FLNA: variants seen among roughly 807,000 people sequenced by gnomAD.
FLNA encodes the protein filamin A.
In FLNA, 7 loss-of-function variants were observed where a neutral mutation model predicts 157.6. The observed-to-expected ratio is 0.04, with a 90% CI of 0.03 to 0.08. The LOEUF (loss-of-function observed/expected upper bound fraction) is 0.08. Among genes scored for constraint, FLNA ranks in the 10% least tolerant of loss-of-function variants. The pLI is 1.00. For synonymous variants in FLNA, 1,103 were observed against 1,060.8 expected (o/e 1.04, Z -0.77); for missense variants, 1,750 against 2,398.4 (o/e 0.73, Z 5.65).
At chrX:154,372,552 A>G (rs1461293044) in intron 1 of FLNA, among the ~76,000 whole-genome samples, 1 of 110,478 alleles carries the variant, frequency 9.1e-6, no homozygotes, top group East Asian at 2.9e-4. Context: ...AACTCTGGAG[A>G]TGGTGCAGTG....
At chrX:154,349,911 C>T in intron 45 of FLNA, 44 bp from the exon 46 acceptor site, 1 of 1,190,759 alleles carries the variant, frequency 8.4e-7, no homozygotes, top group Non-Finnish European at 1.1e-6. Context: ...GGCCTGCCTC[C>T]CTGTCCTCGG....
At position 154,354,915 on chromosome X, in the gene FLNA, G is replaced by T. The variant is rs1557176627; in HGVS notation, c.5127C>A (p.Asp1709Glu). 2 of 1,211,156 alleles carry T rather than the reference G, an allele frequency of 1.7e-6. No individual in the cohort carries two copies. The highest frequency in any genetic ancestry group is 2.2e-6 in the Non-Finnish European group (2 of 895,414). The change falls in exon 31 of 48, where the codon GAC becomes GAA. Residue 1709 changes from aspartate to glutamate, a missense_variant. Coordinates refer to ENST00000369850, the MANE Select transcript of FLNA (RefSeq NM_001110556.2). ...DVVENEDGTF[D>E]IFYTAPQPGK... ...CCGGCTGGGGGGCCGTGTAGAAGAT[G>T]TCGAAAGTGCCGTCCTCATTCTCCA...
intron 11 of FLNA, 32 bp from the exon 12 acceptor site, chrX:154,364,989 G>A (rs782253149): frequency 1.3e-5 from 16 of 1,210,660 alleles, no homozygotes; most frequent in South Asian, 5.3e-5. Flanking sequence ...AGGGAACACC[G>A]AGGATCACCA....
chrX:154,359,007 T>C lies in FLNA; in HGVS notation c.4451A>G (p.Gln1484Arg), dbSNP rs200130356. 1.4e-3 allele frequency: 1,673 copies of C among 1,209,895 alleles called. No homozygotes were observed. The highest frequency in any genetic ancestry group is 1.7e-3 in the Non-Finnish European group (1,489 of 895,133). Residue 1484 changes from glutamine to arginine, a missense_variant, in exon 26 of 48, where the codon CAG becomes CGG. Gln to Arg is a conservative substitution (Grantham distance 43, BLOSUM62 1). Around this residue, in one of 5 missense-constraint regions of FLNA, gnomAD observed 970 missense variants for 1,302.6 expected, o/e 0.74. Transcript: ENST00000369850. The part of the protein sequence containing the change: ...DTSKAGVAPL[Q>R]VKVQGPKGLV... Reference sequence around the variant, plus strand: ...ACCTTTGGGCCCTTGCACTTTGACCTGCAATGGGGCCACACCAGCCTTGCT... The same window carrying C: ...ACCTTTGGGCCCTTGCACTTTGACCCGCAATGGGGCCACACCAGCCTTGCT...
At chrX:154,355,492 C>T (rs868947138) in intron 30 of FLNA, among the ~76,000 whole-genome samples, 4 of 113,380 alleles carry the variant, frequency 3.5e-5, no homozygotes, top group African/African-American at 6.4e-5. Context: ...TGTGTGGACG[C>T]GGTGAGGCGG....
At position 154,357,470 on chromosome X, in the gene FLNA, C is replaced by T. The variant is rs1333867692; in HGVS notation, c.4909G>A (p.Val1637Met). The T allele has an allele frequency of 5.0e-6, 6 of 1,209,323 alleles. No homozygotes were observed. Among genetic ancestry groups the T allele is most frequent in the Admixed American group, 4.3e-5 (2 of 45,998 alleles). ...IPFSPYRVRA[V>M]PTGDASKCTV... Reference sequence around the variant, plus strand: ...CACTTGCTGGCGTCCCCGGTGGGCACGGCACGCACGCGGTACGGGGAGAAG... The same window carrying T: ...CACTTGCTGGCGTCCCCGGTGGGCATGGCACGCACGCGGTACGGGGAGAAG... Residue 1637 changes from valine to methionine, a missense_variant, in exon 29 of 48, where the codon GTG becomes ATG. Physicochemically the swap from Val to Met is conservative, Grantham distance 21 (BLOSUM62 1). Transcript: ENST00000369850.
chrX:154,366,122 C>T lies in FLNA; in HGVS notation c.1331G>A (p.Cys444Tyr). Residue 444 changes from cysteine to tyrosine, a missense_variant, in exon 9 of 48, where the codon TGC (cysteine) becomes TAC (tyrosine). Physicochemically the swap from Cys to Tyr is radical, Grantham distance 194. This residue lies in a region of FLNA where 648 missense variants were observed against 805.8 expected (regional missense o/e 0.80). Transcript: ENST00000369850. ...GCCCTCCATGGTGGGCTGGTAGCTG[C>T]AGCGGTATGTGCTGTCGCCCCGGGC... ...LEARGDSTYR[C>Y]SYQPTMEGVH... 1 of 1,210,506 alleles carries T rather than the reference C, an allele frequency of 8.3e-7. No homozygotes were observed. Among genetic ancestry groups the T allele is most frequent in the Non-Finnish European group, 1.1e-6 (1 of 895,183 alleles).
chrX:154,354,084 G>C, intron 34 of FLNA, 41 bp from the exon 35 acceptor site: 1 of 1,211,908 alleles, frequency 8.3e-7, no homozygotes, highest in Non-Finnish European at 1.1e-6. Context: ...GCAGCCTCGT[G>C]TGTCCCCCAG....
intron 21 of FLNA, among the ~76,000 whole-genome samples, chrX:154,361,058 AAAAAAAAAAAAAAAAAAAAAAGAAAG>A (rs1569551704): frequency 1.3e-4 from 11 of 84,078 alleles, no homozygotes; most frequent in Non-Finnish European, 2.0e-4. Flanking sequence ...AAAAAAAAAA[AAAAAAAAAAAAAAAAAAAAAAGAAAG>A]AAAAAAAAAA....
At chrX:154,356,574 C>T (rs1353348589) in intron 30 of FLNA, among the ~76,000 whole-genome samples, 3 of 112,828 alleles carry the variant, frequency 2.7e-5, no homozygotes, top group African/African-American at 9.7e-5. Flanking sequence ...CATCAGCATC[C>T]CTGGGTGTCC....
chrX:154,367,286 A>T, intron 5 of FLNA, 111 bp downstream of exon 5: 1 of 863,340 alleles, frequency 1.2e-6, no homozygotes, highest in Non-Finnish European at 1.6e-6. Flanking sequence ...TGGCTTGATC[A>T]CCTAGCCGCC....
In FLNA at chrX:154,362,686, A is replaced by G. The variant is rs782102782; in HGVS notation, c.2379T>C (p.Thr793=). The G allele has an allele frequency of 6.6e-6, 8 of 1,209,018 alleles. No homozygotes were observed. Among genetic ancestry groups the G allele is most frequent in the Non-Finnish European group, 7.8e-6 (7 of 894,893 alleles). Residue 793 remains threonine (T), a synonymous_variant, in exon 16 of 48, where the codon ACT becomes ACC. Transcript: ENST00000369850. ...CCTGGCCAGCCTCGGCGCAGTCCAC[A>G]GTGAAGTAGGTGGGCTCGTGGGCCT... The part of the protein sequence containing the change: ...GLKAHEPTYF[T]VDCAEAGQGD...
intron 5 of FLNA, among the ~76,000 whole-genome samples, 173 bp from the exon 6 acceptor site, chrX:154,367,023 C>G (rs1569551853): frequency 8.9e-6 from 1 of 112,327 alleles, no homozygotes; most frequent in Non-Finnish European, 1.9e-5. Flanking sequence ...TGTGCTCTCG[C>G]TGCTGGGACA....
rs1557178162 is a variant in FLNA at position 154,362,129 on chromosome X, G to A, written c.2676C>T (p.Pro892=). ...LSRTGVELGK[P]THFTVNAKAA... ...CTTTGGCATTTACTGTGAAGTGGGT[G>A]GGCTTGCCAAGCTCGACACCTGAGG... Residue 892 remains proline (P), a synonymous_variant, in exon 19 of 48, where the codon CCC becomes CCT. Coordinates refer to ENST00000369850, the MANE Select transcript of FLNA (RefSeq NM_001110556.2). The A allele has an allele frequency of 1.7e-6, 2 of 1,211,855 alleles. No homozygotes were observed. The highest frequency in any genetic ancestry group is 2.2e-6 in the Non-Finnish European group (2 of 895,419).
chrX:154,349,776 A>G lies in FLNA; in HGVS notation c.7425T>C (p.Asp2475=). The stretch of plus-strand genomic sequence containing the variant: ...GGTAGCCCTCAGGGCACTCCTGGCA[A>G]TCCATCTTCACCTTGGAGGGGCCGT... ...TIDGPSKVKM[D]CQECPEGYRV... The change falls in exon 46 of 48, where the codon GAT becomes GAC. Residue 2475 remains aspartate, a synonymous_variant. Transcript: ENST00000369850. The G allele has an allele frequency of 8.3e-7, 1 of 1,211,522 alleles. No homozygotes were observed. Among genetic ancestry groups the G allele is most frequent in the East Asian group, 3.0e-5 (1 of 33,846 alleles).
intron 30 of FLNA, among the ~76,000 whole-genome samples, chrX:154,356,055 C>A: frequency 8.9e-6 from 1 of 112,615 alleles, no homozygotes. Context: ...CTCTCCCAGG[C>A]TCCAGACCTG....
chrX:154,359,700 T>G, intron 23 of FLNA, 32 bp downstream of exon 23: 1 of 1,208,950 alleles, frequency 8.3e-7, no homozygotes, highest in Non-Finnish European at 1.1e-6. Context: ...ACCCACCCCG[T>G]CTGCCAGCCT....
At chrX:154,363,972 C>T in intron 15 of FLNA, 50 bp downstream of exon 15, 1 of 1,179,300 alleles carries the variant, frequency 8.5e-7, no homozygotes, top group Non-Finnish European at 1.2e-6. Flanking sequence ...GAATCGTGTG[C>T]TACGTGAATG....
intron 9 of FLNA, 82 bp downstream of exon 9, chrX:154,365,942 C>T (rs1242207602): frequency 1.0e-5 from 10 of 968,573 alleles, no homozygotes; most frequent in African/African-American, 7.6e-5. Flanking sequence ...CGGGCTGCAG[C>T]GGGACTGGCC....
Sources: gnomAD v4.1 joint callset for allele counts (sites outside exome capture counted in the v4.1 genomes callset) on GRCh38, gnomAD v4.1.1 for gene constraint, gnomAD v4.1.1 regional missense constraint, MANE v1.5 for transcripts, NCBI Gene and HGNC (gene_info 2026-07-23, HGNC 2026-07-21) for gene names.